Variants in TSEN15 observed in about 807,000 individuals in gnomAD.
The protein encoded by TSEN15 is tRNA splicing endonuclease subunit 15, also known as tRNA-splicing endonuclease subunit Sen15.
Under a neutral mutation model 20.5 loss-of-function variants are expected in TSEN15, and 10 were observed. The ratio of observed to expected loss-of-function variants is 0.49; its 90% CI spans 0.30 to 0.83. TSEN15 has a LOEUF of 0.83. Among genes scored for constraint, TSEN15 ranks in the 40% least tolerant of loss-of-function variants. The probability of loss-of-function intolerance (pLI) is 0.06; values close to 1 mark genes in which losing one functional copy is unlikely to be tolerated. For synonymous variants in TSEN15, 72 were observed against 80.1 expected (o/e 0.90, Z 0.54); for missense variants, 180 against 218.6 (o/e 0.82, Z 1.11).
At chr1:184,093,572 A>G (rs1651395874) in intron 3 of TSEN15, 1 of 152,222 alleles carries the variant, frequency 6.6e-6, no homozygotes, top group Admixed American at 6.5e-5. Context: ...GTAGGTAGGT[A>G]CTTTGTGGCA....
intron 3 of TSEN15, among the ~76,000 whole-genome samples, chr1:184,083,167 C>T (rs1039348540): frequency 1.3e-5 from 2 of 152,032 alleles, no homozygotes; most frequent in Admixed American, 6.6e-5. Context: ...GGACTACTAC[C>T]CACCCCATCC....
intron 3 of TSEN15, among the ~76,000 whole-genome samples, chr1:184,084,844 T>C (rs1651232277): frequency 6.6e-6 from 1 of 152,190 alleles, no homozygotes; most frequent in Non-Finnish European, 1.5e-5. Context: ...CAATTAAATT[T>C]CAACATGGGT....
intron 3 of TSEN15, 93 bp downstream of exon 3, chr1:184,054,956 A>G: frequency 1.4e-6 from 2 of 1,411,098 alleles, no homozygotes; most frequent in Non-Finnish European, 1.9e-6. Flanking sequence ...GAAATTTGGG[A>G]TACAGGGTTC....
At chr1:184,082,561 T>A (rs1651189426) in intron 3 of TSEN15, among the ~76,000 whole-genome samples, 1 of 152,046 alleles carries the variant, frequency 6.6e-6, no homozygotes, top group South Asian at 2.1e-4. Flanking sequence ...TTCCTTTATT[T>A]CCTTTGGAGC....
At chr1:184,055,385 G>A (rs1414541062) in intron 3 of TSEN15, among the ~76,000 whole-genome samples, 2 of 152,136 alleles carry the variant, frequency 1.3e-5, no homozygotes, top group Non-Finnish European at 2.9e-5. Flanking sequence ...GGGGATTACA[G>A]TTCAACATGG....
At position 184,072,840 on chromosome 1, in the gene TSEN15, G is replaced by GAA; in HGVS notation, c.510_511dup (p.Arg171LysfsTer8). On this transcript the variant is annotated frameshift_variant, in exon 5 of 5. Transcript: ENST00000645668. LOFTEE classifies it high-confidence loss of function. ...TTTTTTTTCCAGAATATTTCTCTTA[G>GAA]AAGATGACATCCATGTTTCCTGATG... 1 of 1,604,388 alleles carries GAA rather than the reference G, an allele frequency of 6.2e-7. No homozygotes were observed. The highest frequency in any genetic ancestry group is 8.5e-7 in the Non-Finnish European group (1 of 1,176,700).
At chr1:184,097,470 A>C (rs1324909671) in exon 4 of TSEN15, 1 of 152,270 alleles carries the variant, frequency 6.6e-6, no homozygotes, top group Non-Finnish European at 1.5e-5. Flanking sequence ...CAGATGGATG[A>C]AGTGCTCAAA....
At chr1:184,075,657 T>C (rs975484718), downstream of TSEN15, among the ~76,000 whole-genome samples, 7 of 151,692 alleles carry the variant, frequency 4.6e-5, no homozygotes, top group Non-Finnish European at 1.0e-4. Context: ...CAGACTCTAC[T>C]AAGAGTAGAT....
At chr1:184,082,008 C>A (rs886939867) in intron 3 of TSEN15, among the ~76,000 whole-genome samples, 1 of 152,128 alleles carries the variant, frequency 6.6e-6, no homozygotes, top group Admixed American at 6.5e-5. Flanking sequence ...TGGAACTCTG[C>A]GAGAATATTT....
exon 4 of TSEN15, chr1:184,096,732 A>G (rs1204143966): frequency 6.5e-6 from 1 of 153,806 alleles, no homozygotes; most frequent in African/African-American, 2.4e-5. Context: ...GGCAAGGAGG[A>G]GCAAGTCACA....
At chr1:184,063,055 G>A (rs1027369683) in intron 3 of TSEN15, among the ~76,000 whole-genome samples, 1 of 152,024 alleles carries the variant, frequency 6.6e-6, no homozygotes, top group Non-Finnish European at 1.5e-5. Flanking sequence ...AATTGTAAAT[G>A]GTTCTTTCTT....
chr1:184,068,857 C>T (rs1351044929), intron 3 of TSEN15, among the ~76,000 whole-genome samples: 1 of 152,086 alleles, frequency 6.6e-6, no homozygotes, highest in Non-Finnish European at 1.5e-5. Flanking sequence ...TATTATTTGG[C>T]CACATTGAAG....
At chr1:184,090,944 G>T (rs1651345736) in intron 3 of TSEN15, among the ~76,000 whole-genome samples, 1 of 152,146 alleles carries the variant, frequency 6.6e-6, no homozygotes, top group Non-Finnish European at 1.5e-5. Flanking sequence ...ATTGGAGAGG[G>T]AGGGCTGAGG....
At chr1:184,092,287 G>A (rs1225036727) in intron 3 of TSEN15, among the ~76,000 whole-genome samples, 1 of 152,174 alleles carries the variant, frequency 6.6e-6, no homozygotes, top group East Asian at 1.9e-4. Flanking sequence ...AGGTATCACT[G>A]AAAAAGGCTT....
At chr1:184,093,142 C>G (rs1331849564) in intron 3 of TSEN15, among the ~76,000 whole-genome samples, 2 of 152,150 alleles carry the variant, frequency 1.3e-5, no homozygotes, top group Admixed American at 6.5e-5. Context: ...AGGTACTGTT[C>G]TTTTCTCAGA....
chr1:184,094,925 C>T (rs1651422201), intron 3 of TSEN15: 2 of 398,076 alleles, frequency 5.0e-6, no homozygotes, highest in East Asian at 3.6e-5. Context: ...TGGCCTCTGA[C>T]AGACATGGCC....
At chr1:184,077,917 G>C (rs1421866552), downstream of TSEN15, among the ~76,000 whole-genome samples, 2 of 152,202 alleles carry the variant, frequency 1.3e-5, no homozygotes, top group Admixed American at 6.5e-5. Flanking sequence ...CAGATGCTAT[G>C]AACACTGTTG....
chr1:184,059,141 G>T (rs541210353), intron 3 of TSEN15, among the ~76,000 whole-genome samples: 5 of 147,660 alleles, frequency 3.4e-5, no homozygotes, highest in African/African-American at 1.0e-4. Context: ...CACTTATTTT[G>T]TAGCTAGATA....
downstream of TSEN15, among the ~76,000 whole-genome samples, chr1:184,074,762 C>G (rs547207707): frequency 6.6e-6 from 1 of 152,022 alleles, no homozygotes; most frequent in African/African-American, 2.4e-5. Context: ...TATAAAGCAT[C>G]ATTCTTCATC....
Sources: gnomAD v4.1 joint callset for allele counts (sites outside exome capture counted in the v4.1 genomes callset) on GRCh38, gnomAD v4.1.1 for gene constraint, MANE v1.5 for transcripts, NCBI Gene and HGNC (gene_info 2026-07-23, HGNC 2026-07-21) for gene names.